The following TOM1 variants were observed in gnomAD, a reference collection of about 807,000 sequenced individuals.
The protein encoded by TOM1 is target of Myb protein 1.
In TOM1, 38 loss-of-function variants were observed where a neutral mutation model predicts 61.3. The ratio of observed to expected loss-of-function variants is 0.62; its 90% confidence interval spans 0.48 to 0.81. TOM1 has a LOEUF of 0.81. TOM1 is among the 40% of genes least tolerant of loss of function. TOM1 has a pLI of 0.00. For synonymous variants in TOM1, 270 were observed against 268.8 expected (o/e 1.00, Z -0.04); for missense variants, 591 against 659.6 (o/e 0.90, Z 1.14).
At chr22:35,324,982 T>TGGGCCATGAGCTGCTTGTGGA (rs776768946) in intron 6 of TOM1, among the ~76,000 whole-genome samples, 248 of 152,332 alleles carry the variant, frequency 1.6e-3, no homozygotes, top group Non-Finnish European at 2.3e-3. Flanking sequence ...CATGGCCCAC[T>TGGGCCATGAGCTGCTTGTGGA]GGGCCATGAG....
intron 2 of TOM1, among the ~76,000 whole-genome samples, chr22:35,319,766 G>A (rs188134866): frequency 1.6e-4 from 25 of 152,350 alleles, no homozygotes; most frequent in Non-Finnish European, 1.6e-4. Context: ...AGGGACGGGC[G>A]AGGGGCTGCC....
At chr22:35,343,233 CA>C in intron 12 of TOM1, among the ~76,000 whole-genome samples, 1 of 140,446 alleles carries the variant, frequency 7.1e-6, no homozygotes, top group Non-Finnish European at 1.5e-5. Context: ...ACCACACACA[CA>C]TCTACACCCA....
intron 7 of TOM1, among the ~76,000 whole-genome samples, chr22:35,330,046 G>T (rs1002240494): frequency 9.2e-5 from 14 of 152,228 alleles, no homozygotes; most frequent in Admixed American, 4.6e-4. Context: ...TTGGGAGGCC[G>T]AGGCAGGCAG....
rs368590463 is a variant in TOM1, at chr22:35,346,882, T to C, written c.1285-48T>C. ...CAGCACCACTGCCCCAGGCTGACCGTACTGGGGGCCCGGCTAACCTCTGCC... is the reference window on the plus strand; with the variant it reads ...CAGCACCACTGCCCCAGGCTGACCGCACTGGGGGCCCGGCTAACCTCTGCC... On this transcript the variant is annotated intron_variant, in intron 13 of 14. Coordinates refer to ENST00000449058, the MANE Select transcript of TOM1 (RefSeq NM_005488.3). The C allele has an allele frequency of 5.7e-6, 9 of 1,580,964 alleles. No individual in the cohort carries two copies. The African/African-American group carries it at 1.2e-4, about 21-fold the overall frequency.
chr22:35,319,281 C>T (rs543510609), intron 2 of TOM1, among the ~76,000 whole-genome samples: 1 of 152,284 alleles, frequency 6.6e-6, no homozygotes, highest in African/African-American at 2.4e-5. Flanking sequence ...CGGCGTCGGT[C>T]AGGTGCATTG....
Position 35,300,780 on chromosome 22 carries a change from C to T in TOM1, c.52+800C>T, listed in dbSNP as rs554866275. ...CAGCCTCCCTGGGCCGAGGTTTCCT[C>T]ACCTGTAGTTGGCGGGCAATAATGG... is the stretch of plus-strand genomic sequence containing the variant. On this transcript the variant is annotated intron_variant, in intron 1 of 14. Coordinates refer to ENST00000449058, the MANE Select transcript of TOM1 (RefSeq NM_005488.3). Among the ~76,000 whole-genome samples, 4 of 152,338 alleles carry T rather than the reference C, an allele frequency of 2.6e-5. No individual in the cohort carries two copies. In the East Asian group the frequency reaches 5.8e-4, roughly 22 times the overall value.
rs889363093 is a variant in TOM1, at chr22:35,299,991, G to A, written c.52+11G>A. ...TGGGACAGCGCATCGGTGAGTCCCT[G>A]GAGCCCCCCACAGCTCCGCCCCGGT... On this transcript the variant is annotated intron_variant, in intron 1 of 14. Transcript: ENST00000449058. 2.6e-6 allele frequency: 4 copies of A among 1,566,100 alleles called. No homozygotes were observed. The highest frequency in any genetic ancestry group is 3.5e-6 in the Non-Finnish European group (4 of 1,154,822).
Position 35,311,424 on chromosome 22 carries a change from G to A in TOM1, c.53-6453G>A, listed in dbSNP as rs117696523. On this transcript the variant is annotated intron_variant, in intron 1 of 14. Transcript: ENST00000449058. ...TTCAGGGTGGGTTTGACAGCTCCAC[G>A]ATGTCTCAAAACAGCCAGACTCTTT... Among the ~76,000 whole-genome samples the A allele has an allele frequency of 6.0e-3, 909 of 152,372 alleles. 28 individuals are homozygous for A. The highest frequency in any genetic ancestry group is 0.052 in the Admixed American group (797 of 15,306).
At chr22:35,334,199 C>T (rs111476686) in intron 10 of TOM1, 129 bp from the exon 11 acceptor site, 41 of 1,310,928 alleles carry the variant, frequency 3.1e-5, no homozygotes, top group African/African-American at 1.2e-4. Flanking sequence ...TGGCCTGCCT[C>T]GCGCATTCCC....
intron 1 of TOM1, among the ~76,000 whole-genome samples, chr22:35,317,339 G>A (rs918836717): frequency 6.6e-6 from 1 of 152,046 alleles, no homozygotes; most frequent in Non-Finnish European, 1.5e-5. Flanking sequence ...ACAGGCATGT[G>A]CCACCATGCC....
rs1477795935 is a variant in TOM1 at position 35,338,639 on chromosome 22, C to T, written c.1149-74C>T. The T allele has an allele frequency of 5.5e-6, 7 of 1,280,496 alleles. No individual in the cohort carries two copies. In the African/African-American group the frequency reaches 7.7e-5, roughly 14 times the overall value. 79.3% of individuals were successfully genotyped at this position (1,280,496 alleles called of 1,614,324 possible). A position where few individuals can be genotyped will look rare whatever the true frequency, so the allele number is the denominator to read the frequency against. On this transcript the variant is annotated intron_variant, in intron 11 of 14. Transcript: ENST00000449058. Reference sequence around the variant, plus strand: ...GAGGATGGGAGCCGTCAATCTGTGCCCCCCAGCCCGCTCCGTTCTTGCATC... The same window carrying T: ...GAGGATGGGAGCCGTCAATCTGTGCTCCCCAGCCCGCTCCGTTCTTGCATC...
At chr22:35,326,414 C>T (rs1928307643) in intron 6 of TOM1, among the ~76,000 whole-genome samples, 1 of 152,248 alleles carries the variant, frequency 6.6e-6, no homozygotes, top group Non-Finnish European at 1.5e-5. Context: ...TTTGAGGAGA[C>T]TGCAGCTTTA....
At chr22:35,325,830 T>C (rs1928262000) in intron 6 of TOM1, among the ~76,000 whole-genome samples, 3 of 152,240 alleles carry the variant, frequency 2.0e-5, no homozygotes, top group Admixed American at 2.0e-4. Context: ...GAGTCCCCTT[T>C]TGTCTCTTGG....
intron 8 of TOM1, among the ~76,000 whole-genome samples, chr22:35,330,778 C>T (rs1928774299): frequency 6.6e-6 from 1 of 152,228 alleles, no homozygotes; most frequent in Non-Finnish European, 1.5e-5. Flanking sequence ...ACCAGACTGG[C>T]CTGGTGTGTC....
At chr22:35,331,148 T>G in intron 8 of TOM1, 1 of 264,322 alleles carries the variant, frequency 3.8e-6, no homozygotes, top group Non-Finnish European at 7.6e-6. Flanking sequence ...CAGGCTGGAG[T>G]ATAGTGGCAT....
upstream of TOM1, chr22:35,299,690 C>G (rs1003178262): frequency 5.3e-6 from 3 of 564,604 alleles, no homozygotes; most frequent in Non-Finnish European, 6.3e-6. Context: ...GCCCCGACCC[C>G]AGACCCTACA....
intron 1 of TOM1, 138 bp downstream of exon 1, chr22:35,300,118 C>G (rs1925601152): frequency 1.1e-6 from 1 of 930,590 alleles, no homozygotes; most frequent in South Asian, 1.6e-5. Context: ...CCTGGCTCCG[C>G]CCAGCTTTCC....
intron 6 of TOM1, 88 bp downstream of exon 6, chr22:35,324,002 C>G: frequency 6.9e-7 from 1 of 1,456,818 alleles, no homozygotes; most frequent in Non-Finnish European, 9.2e-7. Flanking sequence ...TTACCATCCA[C>G]GGAGCCTCCA....
intron 1 of TOM1, among the ~76,000 whole-genome samples, chr22:35,314,852 T>G (rs1927147789): frequency 6.6e-6 from 1 of 152,220 alleles, no homozygotes; most frequent in South Asian, 2.1e-4. Context: ...CCTTTGCAAG[T>G]TGGTGATCTC....
Sources: gnomAD v4.1 joint callset for allele counts (sites outside exome capture counted in the v4.1 genomes callset) on GRCh38, gnomAD v4.1.1 for gene constraint, MANE v1.5 for transcripts, NCBI Gene and HGNC (gene_info 2026-07-23, HGNC 2026-07-21) for gene names.